Variants in SLC35D4 observed in about 807,000 individuals in gnomAD.
SLC35D4 encodes the protein UDP-N-acetylglucosamine transporter SLC35D4.
the SLC35D4 span, among the ~76,000 whole-genome samples, chr18:23,419,555 G>A: frequency 6.6e-6 from 1 of 152,104 alleles, no homozygotes; most frequent in African/African-American, 2.4e-5. Context: ...GCCTCCCAAA[G>A]TGCTGGGATA....
chr18:23,257,202 GC>G, the SLC35D4 span: 1 of 1,606,458 alleles, frequency 6.2e-7, no homozygotes, highest in Non-Finnish European at 8.5e-7. Flanking sequence ...AAATGAACAT[GC>G]TTTTGATTTT....
chr18:23,332,407 T>C, the SLC35D4 span, among the ~76,000 whole-genome samples: 3 of 149,916 alleles, frequency 2.0e-5, no homozygotes, highest in Non-Finnish European at 4.4e-5. Context: ...GGGGAATACG[T>C]AGATGTTGTA....
chr18:23,386,979 G>A, the SLC35D4 span, among the ~76,000 whole-genome samples: 8 of 152,022 alleles, frequency 5.3e-5, no homozygotes, highest in Non-Finnish European at 1.2e-4. Context: ...GTGCCATCTC[G>A]GCTCACTGCA....
chr18:23,429,667 C>G, the SLC35D4 span, among the ~76,000 whole-genome samples: 1 of 152,172 alleles, frequency 6.6e-6, no homozygotes, highest in African/African-American at 2.4e-5. Context: ...TGAGCCACCA[C>G]ACCGGCCATT....
At chr18:23,240,754 A>C in the SLC35D4 span, among the ~76,000 whole-genome samples, 20 of 152,332 alleles carry the variant, frequency 1.3e-4, no homozygotes, top group African/African-American at 4.3e-4. Flanking sequence ...CCAGCCCAGC[A>C]GAGGCGCCCA....
chr18:23,388,395 T>G, the SLC35D4 span, among the ~76,000 whole-genome samples: 1 of 152,224 alleles, frequency 6.6e-6, no homozygotes, highest in Non-Finnish European at 1.5e-5. Context: ...ACCCTGATTT[T>G]ATAAACAATG....
At chr18:23,370,629 TAGTC>T in the SLC35D4 span, among the ~76,000 whole-genome samples, 432 of 152,340 alleles carry the variant, frequency 2.8e-3, 3 homozygotes, top group African/African-American at 9.8e-3. Flanking sequence ...GCTGTGTTAA[TAGTC>T]AGGGCACCGT....
the SLC35D4 span, among the ~76,000 whole-genome samples, chr18:23,249,038 G>A: frequency 3.9e-5 from 6 of 152,134 alleles, no homozygotes; most frequent in South Asian, 2.1e-4. Context: ...CTCCAGATCC[G>A]TGCTGCTCTG....
the SLC35D4 span, among the ~76,000 whole-genome samples, chr18:23,322,257 C>T: frequency 3.3e-5 from 5 of 152,304 alleles, no homozygotes; most frequent in South Asian, 2.1e-4. Flanking sequence ...GAAAGGAAGC[C>T]GTGCCTTGCA....
the SLC35D4 span, among the ~76,000 whole-genome samples, chr18:23,312,728 C>A: frequency 6.6e-6 from 1 of 152,108 alleles, no homozygotes; most frequent in African/African-American, 2.4e-5. Context: ...AAGCCTATCT[C>A]CCCTCTCTGC....
At chr18:23,293,229 A>G in the SLC35D4 span, among the ~76,000 whole-genome samples, 1 of 152,152 alleles carries the variant, frequency 6.6e-6, no homozygotes, top group Non-Finnish European at 1.5e-5. Context: ...GGGTGACAAG[A>G]GCGAAACTCC....
At chr18:23,304,817 T>C in the SLC35D4 span, among the ~76,000 whole-genome samples, 2 of 152,018 alleles carry the variant, frequency 1.3e-5, no homozygotes, top group Admixed American at 6.6e-5. Context: ...TCCTCTTCCA[T>C]CCCCCAACTC....
chr18:23,308,308 C>T, the SLC35D4 span, among the ~76,000 whole-genome samples: 1 of 152,144 alleles, frequency 6.6e-6, no homozygotes, highest in Admixed American at 6.5e-5. Flanking sequence ...TCCCCAGATC[C>T]GCAGGCTGAT....
chr18:23,427,912 C>T, the SLC35D4 span, among the ~76,000 whole-genome samples: 23 of 152,140 alleles, frequency 1.5e-4, no homozygotes, highest in East Asian at 3.5e-3. Context: ...AGCAAACTAT[C>T]GCAAGGACAG....
At chr18:23,246,618 C>T in the SLC35D4 span, among the ~76,000 whole-genome samples, 2 of 151,706 alleles carry the variant, frequency 1.3e-5, no homozygotes, top group Admixed American at 1.3e-4. Context: ...GTCTCGATCT[C>T]CTGACCTTGT....
the SLC35D4 span, among the ~76,000 whole-genome samples, chr18:23,419,449 C>T: frequency 2.6e-5 from 4 of 152,046 alleles, no homozygotes; most frequent in African/African-American, 4.8e-5. Context: ...TGTGCCACCA[C>T]GCCCAGCTAA....
At chr18:23,274,152 T>C in the SLC35D4 span, among the ~76,000 whole-genome samples, 2 of 152,176 alleles carry the variant, frequency 1.3e-5, no homozygotes, top group African/African-American at 2.4e-5. Context: ...TCTATTCTGG[T>C]CACAAACTCC....
the SLC35D4 span, among the ~76,000 whole-genome samples, chr18:23,302,252 A>C: frequency 6.6e-6 from 1 of 152,216 alleles, no homozygotes; most frequent in African/African-American, 2.4e-5. Context: ...ACTTGAGCTG[A>C]TCCAAAGCTC....
chr18:23,424,687 C>A, the SLC35D4 span, among the ~76,000 whole-genome samples: 2 of 152,140 alleles, frequency 1.3e-5, no homozygotes, highest in South Asian at 4.1e-4. Flanking sequence ...ACTAAAATAC[C>A]CGTAATCACA....
Sources: allele counts gnomAD v4.1 joint callset (sites outside exome capture counted in the v4.1 genomes callset), GRCh38; gene constraint gnomAD v4.1.1; transcripts MANE v1.5; gene names NCBI Gene and HGNC (gene_info 2026-07-23, HGNC 2026-07-21).